RALGAPA2: variants seen among roughly 807,000 people sequenced by gnomAD.
RALGAPA2 encodes Ral GTPase activating protein catalytic subunit alpha 2.
Under a neutral mutation model 230.4 loss-of-function variants are expected in RALGAPA2, and 139 were observed. The ratio of observed to expected loss-of-function variants is 0.60; its 90% confidence interval spans 0.53 to 0.69. The LOEUF (loss-of-function observed/expected upper bound fraction) is 0.69, where lower values mean the gene tolerates loss of function less well. Ranked by LOEUF, RALGAPA2 falls within the 30% of genes least tolerant of loss-of-function variation. The pLI, the probability that RALGAPA2 is intolerant of heterozygous loss-of-function variation, is 0.00. For synonymous variants in RALGAPA2, 847 were observed against 837.8 expected, an observed-to-expected ratio of 1.01 and a Z score of -0.19; for missense variants, 2,163 against 2,276.0, an observed-to-expected ratio of 0.95 and a Z score of 1.01.
At chr20:20,468,686 C>A (rs984046526) in intron 37 of RALGAPA2, among the ~76,000 whole-genome samples, 8 of 151,982 alleles carry the variant, frequency 5.3e-5, no homozygotes, top group African/African-American at 7.3e-5. Flanking sequence ...ATCTCTGCCC[C>A]CTCCTTTCAA....
intron 38 of RALGAPA2, among the ~76,000 whole-genome samples, chr20:20,407,580 C>T (rs2122730105): frequency 6.6e-6 from 1 of 152,336 alleles, no homozygotes. Context: ...GTAGTGTCTA[C>T]ATCTCAGATT....
At chr20:20,409,577 T>G (rs1200243347) in intron 38 of RALGAPA2, among the ~76,000 whole-genome samples, 3 of 152,200 alleles carry the variant, frequency 2.0e-5, no homozygotes, top group African/African-American at 4.8e-5. Context: ...AAGAACAGAC[T>G]TCACCTCAAT....
In RALGAPA2 at chr20:20,680,747, A is replaced by G; in HGVS notation, c.161T>C (p.Ile54Thr). Residue 54 changes from isoleucine to threonine, a missense_variant, in exon 2 of 40, where the codon ATA (isoleucine) becomes ACA (threonine). Coordinates refer to ENST00000202677, the MANE Select transcript of RALGAPA2 (RefSeq NM_020343.4). ...AAAATTTTCATAGAAGATGAAATAT[A>G]TCTGAGAATAGTTGGTCTCAAAAAA... ...KQFFETNYSQIYFIFYENFIA... is the reference protein window; with the variant it reads ...KQFFETNYSQTYFIFYENFIA... 1 of 1,587,962 alleles carries G rather than the reference A, an allele frequency of 6.3e-7. No individual in the cohort carries two copies. Among genetic ancestry groups the G allele is most frequent in the Non-Finnish European group, 8.5e-7 (1 of 1,171,138 alleles).
At chr20:20,595,469 T>C (rs1390102900) in intron 16 of RALGAPA2, among the ~76,000 whole-genome samples, 6 of 152,162 alleles carry the variant, frequency 3.9e-5, no homozygotes, top group Non-Finnish European at 8.8e-5. Context: ...AAGCACTTCC[T>C]AGAAGCACAC....
At position 20,529,111 on chromosome 20, in the gene RALGAPA2, G is replaced by A. The variant is rs2063303458; in HGVS notation, c.3582+2576C>T. ...GGAGGCAGGAGAGGAGGGCAGTGGG[G>A]AGGGAGGTGTCCTCAGAGACCAGGA... On this transcript the variant is annotated intron_variant, in intron 27 of 39. Coordinates refer to ENST00000202677, the MANE Select transcript of RALGAPA2 (RefSeq NM_020343.4). Among the ~76,000 whole-genome samples the A allele has an allele frequency of 4.6e-5, 7 of 152,366 alleles. No homozygotes were observed. In the South Asian group the frequency reaches 1.4e-3, roughly 32 times the overall value.
intron 17 of RALGAPA2, among the ~76,000 whole-genome samples, chr20:20,590,781 G>A (rs1021948882): frequency 6.6e-6 from 1 of 151,956 alleles, no homozygotes; most frequent in African/African-American, 2.4e-5. Flanking sequence ...AACTTTAACG[G>A]CTCTTCTCAC....
At chr20:20,460,058 C>T (rs1313069421) in intron 37 of RALGAPA2, among the ~76,000 whole-genome samples, 3 of 152,170 alleles carry the variant, frequency 2.0e-5, no homozygotes, top group Admixed American at 1.3e-4. Flanking sequence ...ACGGCTATAC[C>T]GATGTTGGTT....
intron 1 of RALGAPA2, among the ~76,000 whole-genome samples, chr20:20,694,780 T>G (rs2069047352): frequency 6.6e-6 from 1 of 152,068 alleles, no homozygotes; most frequent in African/African-American, 2.4e-5. Context: ...GCGAGGCAGG[T>G]GCAGGGAAGA....
intron 16 of RALGAPA2, chr20:20,598,799 T>A (rs765737163): frequency 4.4e-5 from 20 of 456,440 alleles, no homozygotes; most frequent in Admixed American, 3.1e-4. Context: ...ACACAGTTGC[T>A]GATAGACTGG....
intron 23 of RALGAPA2, 26 bp from the exon 24 acceptor site, chr20:20,546,858 C>A: frequency 1.3e-6 from 2 of 1,556,768 alleles, no homozygotes; most frequent in Non-Finnish European, 1.7e-6. Flanking sequence ...AGAAAAAACA[C>A]AATCGTAATG....
intron 20 of RALGAPA2, among the ~76,000 whole-genome samples, chr20:20,579,520 G>A (rs374911669): frequency 1.5e-3 from 225 of 152,212 alleles, no homozygotes; most frequent in African/African-American, 5.2e-3. Flanking sequence ...AACAAAGCTG[G>A]CTTTTTCCCT....
chr20:20,622,336 A>T (rs1330572203), intron 10 of RALGAPA2, among the ~76,000 whole-genome samples: 1 of 152,154 alleles, frequency 6.6e-6, no homozygotes, highest in East Asian at 1.9e-4. Flanking sequence ...ATTTAGCCAA[A>T]ATGGGTGAAA....
chr20:20,652,263 A>G lies in RALGAPA2; in HGVS notation c.328+1267T>C, dbSNP rs375081678. Among the ~76,000 whole-genome samples, 11 of 152,290 alleles carry G rather than the reference A, an allele frequency of 7.2e-5. No homozygotes were observed. In the South Asian group the frequency reaches 2.1e-3, roughly 29 times the overall value. Reference sequence around the variant, plus strand: ...ATTCTTTCAGGTTCCACAACTTTGTACATATTGATCTCCCACCCAGAAAAC... The same window carrying G: ...ATTCTTTCAGGTTCCACAACTTTGTGCATATTGATCTCCCACCCAGAAAAC... On this transcript the variant is annotated intron_variant, in intron 4 of 39. Coordinates refer to ENST00000202677, the MANE Select transcript of RALGAPA2 (RefSeq NM_020343.4).
chr20:20,652,826 T>C (rs974307510), intron 4 of RALGAPA2, among the ~76,000 whole-genome samples: 1 of 152,192 alleles, frequency 6.6e-6, no homozygotes, highest in Non-Finnish European at 1.5e-5. Context: ...TTATTTCAAG[T>C]TTCCTCTCAA....
Position 20,641,473 on chromosome 20 carries a change from C to G in RALGAPA2, c.373-595G>C, listed in dbSNP as rs573635876. On this transcript the variant is annotated intron_variant, in intron 5 of 39. Coordinates refer to ENST00000202677, the MANE Select transcript of RALGAPA2 (RefSeq NM_020343.4). ...TGAGACAGAGCAGCTCTTCTTATAC[C>G]TTATGTCCCTATTCTATTTCTCCAA... Among the ~76,000 whole-genome samples the G allele has an allele frequency of 2.6e-5, 4 of 152,232 alleles. No homozygotes were observed. The East Asian group carries it at 7.7e-4, about 29-fold the overall frequency.
chr20:20,612,421 G>T (rs2066002507), intron 13 of RALGAPA2, among the ~76,000 whole-genome samples: 1 of 152,162 alleles, frequency 6.6e-6, no homozygotes, highest in Non-Finnish European at 1.5e-5. Context: ...AAAGTAATCA[G>T]ATGAGATCTC....
chr20:20,410,936 C>G (rs974913135), intron 38 of RALGAPA2, among the ~76,000 whole-genome samples: 1 of 152,172 alleles, frequency 6.6e-6, no homozygotes, highest in Admixed American at 6.5e-5. Flanking sequence ...AAGTGCGTGC[C>G]TCTCCCTCTT....
chr20:20,525,095 C>G (rs955481430), intron 28 of RALGAPA2, among the ~76,000 whole-genome samples, 197 bp from the exon 29 acceptor site: 1 of 152,130 alleles, frequency 6.6e-6, no homozygotes, highest in Non-Finnish European at 1.5e-5. Context: ...CATCCAGTTT[C>G]CACTCTACTT....
intron 33 of RALGAPA2, among the ~76,000 whole-genome samples, chr20:20,510,497 T>A (rs376187114): frequency 6.6e-6 from 1 of 151,662 alleles, no homozygotes; most frequent in African/African-American, 2.4e-5. Flanking sequence ...GACAGAATAT[T>A]AGAATATTCC....
Sources: gnomAD v4.1 joint callset for allele counts (sites outside exome capture counted in the v4.1 genomes callset) on GRCh38, gnomAD v4.1.1 for gene constraint, MANE v1.5 for transcripts, NCBI Gene and HGNC (gene_info 2026-07-23, HGNC 2026-07-21) for gene names.